ITGBL1: variants seen among roughly 807,000 people sequenced by gnomAD.
The protein encoded by ITGBL1 is integrin beta-like protein 1.
ITGBL1 carries 51 observed loss-of-function variants against 68.5 expected under a neutral mutation model. That is an observed-to-expected ratio of 0.74 (90% CI 0.59 to 0.94). The LOEUF (loss-of-function observed/expected upper bound fraction) is 0.94, where lower values mean the gene tolerates loss of function less well. Among genes scored for constraint, ITGBL1 ranks in the 40% least tolerant of loss-of-function variants. The pLI, the probability that ITGBL1 is intolerant of heterozygous loss-of-function variation, is 0.00. For missense variants in ITGBL1, 649 were observed against 647.4 expected (o/e 1.00, Z -0.03); for synonymous variants, 209 against 227.3 (o/e 0.92, Z 0.72).
At chr13:101,556,561 G>A (rs1263180672) in intron 2 of ITGBL1, among the ~76,000 whole-genome samples, 4 of 152,202 alleles carry the variant, frequency 2.6e-5, no homozygotes, top group Non-Finnish European at 5.9e-5. Flanking sequence ...GAACTCCAGA[G>A]GCGGAGGTTG....
At chr13:101,490,359 T>A (rs151171168) in intron 2 of ITGBL1, among the ~76,000 whole-genome samples, 102 of 152,340 alleles carry the variant, frequency 6.7e-4, no homozygotes, top group African/African-American at 2.3e-3. Context: ...GTCAATTGTT[T>A]AAGCCACCTT....
intron 6 of ITGBL1, among the ~76,000 whole-genome samples, chr13:101,588,925 T>C (rs7991090): frequency 0.016 from 2,497 of 152,304 alleles, 72 homozygotes; most frequent in African/African-American, 0.056. Context: ...CTGTCTTATC[T>C]GAAAAGCCCA....
intron 2 of ITGBL1, among the ~76,000 whole-genome samples, chr13:101,547,899 CTGTG>C (rs1392706072): frequency 1.4e-5 from 2 of 145,962 alleles, no homozygotes; most frequent in South Asian, 2.2e-4. Context: ...GTATATATCT[CTGTG>C]TGTGTGTATA....
chr13:101,592,698 A>G (rs545329130), intron 6 of ITGBL1, among the ~76,000 whole-genome samples: 1 of 152,278 alleles, frequency 6.6e-6, no homozygotes, highest in South Asian at 2.1e-4. Flanking sequence ...TTTTCAATAA[A>G]TGGTGCTGGA....
At chr13:101,545,617 A>C (rs2049806940) in intron 2 of ITGBL1, among the ~76,000 whole-genome samples, 1 of 152,252 alleles carries the variant, frequency 6.6e-6, no homozygotes, top group African/African-American at 2.4e-5. Flanking sequence ...ATAATTCAGC[A>C]GTAAAATCTT....
intron 6 of ITGBL1, among the ~76,000 whole-genome samples, chr13:101,592,973 C>A (rs550014524): frequency 6.6e-6 from 1 of 152,040 alleles, no homozygotes; most frequent in South Asian, 2.1e-4. Context: ...AAAAGAATGA[C>A]AAATAGACCT....
intron 8 of ITGBL1, among the ~76,000 whole-genome samples, chr13:101,696,454 A>G (rs956705964): frequency 1.2e-4 from 18 of 152,174 alleles, no homozygotes; most frequent in Non-Finnish European, 2.2e-4. Context: ...TTCTTCACAG[A>G]GAGCAACAGA....
At chr13:101,524,384 T>C (rs1333024576) in intron 2 of ITGBL1, among the ~76,000 whole-genome samples, 3 of 70,812 alleles carry the variant, frequency 4.2e-5, no homozygotes, top group African/African-American at 5.9e-5. Flanking sequence ...CAATGTATTC[T>C]TATTCTTTTT....
intron 7 of ITGBL1, among the ~76,000 whole-genome samples, chr13:101,679,134 C>T (rs1258841615): frequency 6.6e-6 from 1 of 151,636 alleles, no homozygotes; most frequent in Non-Finnish European, 1.5e-5. Flanking sequence ...TCTCCATCTC[C>T]TGACCTCGTG....
intron 7 of ITGBL1, among the ~76,000 whole-genome samples, chr13:101,657,971 T>G (rs2032979237): frequency 6.6e-6 from 1 of 152,184 alleles, no homozygotes; most frequent in Non-Finnish European, 1.5e-5. Flanking sequence ...AAGACTTCTG[T>G]AGGAAGATAG....
intron 5 of ITGBL1, among the ~76,000 whole-genome samples, chr13:101,581,520 AAAAT>A (rs2050457798): frequency 6.6e-6 from 1 of 152,166 alleles, no homozygotes. Context: ...TTAAAGAAAA[AAAAT>A]CAAATCATAC....
intron 7 of ITGBL1, among the ~76,000 whole-genome samples, chr13:101,667,066 C>A (rs1176752397): frequency 6.6e-6 from 1 of 152,206 alleles, no homozygotes; most frequent in Non-Finnish European, 1.5e-5. Context: ...TAATAAGAAA[C>A]TGAATGACAT....
At chr13:101,684,223 C>T (rs533440489) in intron 7 of ITGBL1, among the ~76,000 whole-genome samples, 2 of 151,930 alleles carry the variant, frequency 1.3e-5, no homozygotes, top group Non-Finnish European at 2.9e-5. Context: ...TACTTGGTCT[C>T]CACTTCCACC....
chr13:101,567,469 G>A (rs1044966552), intron 2 of ITGBL1, among the ~76,000 whole-genome samples: 2 of 152,026 alleles, frequency 1.3e-5, no homozygotes, highest in African/African-American at 2.4e-5. Context: ...TTATCCTAAT[G>A]TCTTTATAAA....
At chr13:101,638,243 C>A (rs1303165783) in intron 7 of ITGBL1, among the ~76,000 whole-genome samples, 1 of 151,994 alleles carries the variant, frequency 6.6e-6, no homozygotes, top group African/African-American at 2.4e-5. Context: ...CATATAAAAG[C>A]AAAAACATTA....
intron 2 of ITGBL1, among the ~76,000 whole-genome samples, chr13:101,566,324 T>C (rs1157886881): frequency 6.6e-6 from 1 of 152,078 alleles, no homozygotes; most frequent in Non-Finnish European, 1.5e-5. Flanking sequence ...ATAGGCTAGG[T>C]GGTTGACAGG....
intron 2 of ITGBL1, among the ~76,000 whole-genome samples, chr13:101,511,261 GT>G (rs954986271): frequency 2.0e-5 from 3 of 152,052 alleles, no homozygotes; most frequent in African/African-American, 7.2e-5. Context: ...GAAAGTATGG[GT>G]TCACCTATTT....
intron 2 of ITGBL1, among the ~76,000 whole-genome samples, chr13:101,512,847 CAG>C (rs2049137408): frequency 6.6e-6 from 1 of 152,124 alleles, no homozygotes; most frequent in Admixed American, 6.6e-5. Context: ...TATATTATAA[CAG>C]AATAAATTAT....
At chr13:101,534,111 A>G in intron 2 of ITGBL1, among the ~76,000 whole-genome samples, 1 of 152,194 alleles carries the variant, frequency 6.6e-6, no homozygotes, top group East Asian at 1.9e-4. Flanking sequence ...AATTAAACAA[A>G]TATAGACTAC....
Sources: gnomAD v4.1 joint callset for allele counts (sites outside exome capture counted in the v4.1 genomes callset) on GRCh38, gnomAD v4.1.1 for gene constraint, MANE v1.5 for transcripts, NCBI Gene and HGNC (gene_info 2026-07-23, HGNC 2026-07-21) for gene names.